The following KCNT2 variants were observed in gnomAD, a reference collection of about 807,000 sequenced individuals.
KCNT2 encodes the protein potassium channel subfamily T member 2.
In KCNT2, 67 loss-of-function variants were observed where a neutral mutation model predicts 153.8. That is an observed-to-expected ratio of 0.44 (90% CI 0.36 to 0.53). KCNT2 has a LOEUF of 0.53. Among genes scored for constraint, KCNT2 ranks in the 20% least tolerant of loss-of-function variants. The pLI is 0.00. For missense variants in KCNT2, 975 were observed against 1,354.8 expected, an observed-to-expected ratio of 0.72 and a Z score of 4.40; for synonymous variants, 500 against 458.8, an observed-to-expected ratio of 1.09 and a Z score of -1.15.
At chr1:196,527,010 A>G (rs114451512) in intron 1 of KCNT2, among the ~76,000 whole-genome samples, 55 of 152,198 alleles carry the variant, frequency 3.6e-4, no homozygotes, top group East Asian at 7.8e-4. Flanking sequence ...CGCAAACTCT[A>G]TTGTGAACTG....
chr1:196,435,137 ATG>A (rs1391109857), intron 8 of KCNT2, among the ~76,000 whole-genome samples: 553 of 51,378 alleles, frequency 0.011, 3 homozygotes, highest in African/African-American at 0.032. Flanking sequence ...GTGTGTGTGT[ATG>A]TATATATATA....
At chr1:196,430,644 T>C (rs1033251041) in intron 8 of KCNT2, among the ~76,000 whole-genome samples, 1 of 152,012 alleles carries the variant, frequency 6.6e-6, no homozygotes, top group Non-Finnish European at 1.5e-5. Context: ...CACAAAACAA[T>C]TCTTAAAACA....
chr1:196,238,595 C>T (rs1320868297), intron 26 of KCNT2, among the ~76,000 whole-genome samples: 1 of 151,886 alleles, frequency 6.6e-6, no homozygotes, highest in Non-Finnish European at 1.5e-5. Context: ...TTCTCTTTTT[C>T]TTTCACGTGT....
intron 5 of KCNT2, among the ~76,000 whole-genome samples, chr1:196,474,879 A>G (rs74991614): frequency 0.058 from 8,790 of 152,274 alleles, 394 homozygotes; most frequent in Non-Finnish European, 0.085. Context: ...GCACTTCTGT[A>G]TGACAGAAGA....
intron 14 of KCNT2, among the ~76,000 whole-genome samples, chr1:196,359,126 A>T (rs1271876565): frequency 1.3e-5 from 2 of 151,994 alleles, no homozygotes; most frequent in Non-Finnish European, 2.9e-5. Context: ...GGGAAATAGT[A>T]CTGTGATTAA....
chr1:196,432,416 A>G (rs1450496195), intron 8 of KCNT2, among the ~76,000 whole-genome samples: 1 of 152,046 alleles, frequency 6.6e-6, no homozygotes, highest in East Asian at 1.9e-4. Flanking sequence ...GAGATGCTAG[A>G]CCCCAACTCC....
chr1:196,279,865 G>A (rs547509860), intron 25 of KCNT2, among the ~76,000 whole-genome samples: 16 of 151,778 alleles, frequency 1.1e-4, no homozygotes, highest in African/African-American at 3.1e-4. Context: ...AATCTACCCC[G>A]TTATCTTTAT....
At chr1:196,587,369 G>A (rs1193388785) in intron 1 of KCNT2, among the ~76,000 whole-genome samples, 2 of 151,916 alleles carry the variant, frequency 1.3e-5, no homozygotes, top group East Asian at 1.9e-4. Context: ...GTTACTAAAC[G>A]CTGGAAGAGG....
chr1:196,571,398 A>G (rs1037463747), intron 1 of KCNT2, among the ~76,000 whole-genome samples: 1 of 152,084 alleles, frequency 6.6e-6, no homozygotes, highest in Non-Finnish European at 1.5e-5. Flanking sequence ...ACATCCCAGA[A>G]TATAATAGCA....
intron 1 of KCNT2, among the ~76,000 whole-genome samples, chr1:196,576,582 C>A (rs903604642): frequency 2.0e-4 from 31 of 151,984 alleles, no homozygotes; most frequent in African/African-American, 7.5e-4. Flanking sequence ...TATGAATAAA[C>A]ATATGTATTT....
At chr1:196,452,906 C>T (rs1676347491) in intron 8 of KCNT2, among the ~76,000 whole-genome samples, 2 of 151,862 alleles carry the variant, frequency 1.3e-5, no homozygotes, top group East Asian at 2.0e-4. Context: ...GTCTGCCTTA[C>T]TCTACTAATT....
At chr1:196,334,483 C>CTTTTTTTTTTTTT (rs757677685) in intron 16 of KCNT2, among the ~76,000 whole-genome samples, 9 of 42,336 alleles carry the variant, frequency 2.1e-4, no homozygotes, top group Non-Finnish European at 1.9e-4. Flanking sequence ...TTCTTTCTTT[C>CTTTTTTTTTTTTT]TTTCTTTTTT....
At chr1:196,351,417 C>T (rs1157863279) in intron 14 of KCNT2, among the ~76,000 whole-genome samples, 1 of 152,146 alleles carries the variant, frequency 6.6e-6, no homozygotes, top group East Asian at 1.9e-4. Context: ...AGAGGTCCTT[C>T]ACGTCCCTTG....
At chr1:196,273,511 G>GA (rs1369660925) in intron 25 of KCNT2, 1 of 1,523,480 alleles carries the variant, frequency 6.6e-7, no homozygotes, top group Non-Finnish European at 8.8e-7. Context: ...GAGGGAAAAA[G>GA]AAACACACAA....
At chr1:196,379,396 C>T (rs757913413) in intron 13 of KCNT2, among the ~76,000 whole-genome samples, 1 of 151,956 alleles carries the variant, frequency 6.6e-6, no homozygotes, top group African/African-American at 2.4e-5. Context: ...CATGGCAAAA[C>T]CCAGTCTCTA....
At chr1:196,250,883 A>C (rs1655902296) in intron 26 of KCNT2, among the ~76,000 whole-genome samples, 1 of 152,148 alleles carries the variant, frequency 6.6e-6, no homozygotes, top group African/African-American at 2.4e-5. Context: ...CCTCAATGTC[A>C]CTGATCATCA....
chr1:196,516,281 T>C (rs1682042992), intron 1 of KCNT2, among the ~76,000 whole-genome samples: 1 of 152,092 alleles, frequency 6.6e-6, no homozygotes, highest in African/African-American at 2.4e-5. Context: ...TTAATCATTG[T>C]TGCCTTAGGG....
chr1:196,273,596 C>G, intron 25 of KCNT2: 1 of 713,324 alleles, frequency 1.4e-6, no homozygotes, highest in Non-Finnish European at 2.3e-6. Context: ...TAACATATAC[C>G]CACATAACAA....
chr1:196,316,433 G>T (rs530533473), intron 20 of KCNT2, among the ~76,000 whole-genome samples: 17 of 151,520 alleles, frequency 1.1e-4, no homozygotes, highest in African/African-American at 4.1e-4. Context: ...GGTAAGAGAG[G>T]AATAAATAAG....
Sources: allele counts gnomAD v4.1 joint callset (sites outside exome capture counted in the v4.1 genomes callset), GRCh38; gene constraint gnomAD v4.1.1; transcripts MANE v1.5; gene names NCBI Gene and HGNC (gene_info 2026-07-23, HGNC 2026-07-21).